Variants in LRRFIP2 observed in about 807,000 individuals in gnomAD.
The protein encoded by LRRFIP2 is leucine-rich repeat flightless-interacting protein 2.
In LRRFIP2, 109 loss-of-function variants were observed where a neutral mutation model predicts 125.9. That is an observed-to-expected ratio of 0.87 (90% CI 0.74 to 1.01). The LOEUF is 1.01. Among genes scored for constraint, LRRFIP2 ranks in the 50% least tolerant of loss-of-function variants. The pLI is 0.00. For missense variants in LRRFIP2, 850 were observed against 862.3 expected (o/e 0.99, Z 0.18); for synonymous variants, 291 against 293.1 (o/e 0.99, Z 0.07).
intron 2 of LRRFIP2, among the ~76,000 whole-genome samples, chr3:37,141,055 A>G (rs2095685031): frequency 6.6e-6 from 1 of 152,146 alleles, no homozygotes; most frequent in Non-Finnish European, 1.5e-5. Flanking sequence ...GTCGTGGTAC[A>G]TGCCTGTAGT....
intron 2 of LRRFIP2, among the ~76,000 whole-genome samples, chr3:37,138,011 T>C (rs1053027308): frequency 5.3e-5 from 8 of 152,222 alleles, no homozygotes; most frequent in African/African-American, 1.4e-4. Context: ...CTTTCACTTA[T>C]AATACATCAA....
chr3:37,105,925 T>C (rs907652739), intron 13 of LRRFIP2, among the ~76,000 whole-genome samples: 2 of 151,878 alleles, frequency 1.3e-5, no homozygotes, highest in Non-Finnish European at 2.9e-5. Flanking sequence ...ATTAGCCGGG[T>C]ATGGTGGCGG....
At position 37,108,644 on chromosome 3, in the gene LRRFIP2, G is replaced by A; in HGVS notation, c.650C>T (p.Pro217Leu). 1 of 1,607,326 alleles carries A rather than the reference G, an allele frequency of 6.2e-7. No individual in the cohort carries two copies. Among genetic ancestry groups the A allele is most frequent in the Non-Finnish European group, 8.5e-7 (1 of 1,174,918 alleles). The change falls in exon 12 of 28, where the codon CCT becomes CTT. Residue 217 changes from proline (P) to leucine (L), a missense_variant. Transcript: ENST00000336686. ...TCCCCTATTTAGACTTACAGTTCGA[G>A]GACCATAAGGGTTATATAATCCACC... is the stretch of plus-strand genomic sequence containing the variant. ...YNGGLYNPYG[P>L]RTPSECSYYS...
chr3:37,128,410 G>A (rs2095342240), intron 3 of LRRFIP2, among the ~76,000 whole-genome samples: 1 of 152,056 alleles, frequency 6.6e-6, no homozygotes. Flanking sequence ...ATTTCCATAT[G>A]CCTATTCTTA....
chr3:37,164,206 G>A (rs1236526226), intron 1 of LRRFIP2, among the ~76,000 whole-genome samples: 1 of 151,916 alleles, frequency 6.6e-6, no homozygotes, highest in Non-Finnish European at 1.5e-5. Context: ...AAACAAGAAA[G>A]GAAACAAGTA....
At chr3:37,054,556 G>T in intron 26 of LRRFIP2, 41 bp from the exon 27 acceptor site, 1 of 1,339,202 alleles carries the variant, frequency 7.5e-7, no homozygotes, top group South Asian at 1.3e-5. Flanking sequence ...CTGGGCACTA[G>T]AAGTCACCAC....
chr3:37,133,210 G>C (rs996191140), intron 2 of LRRFIP2, among the ~76,000 whole-genome samples: 2 of 152,220 alleles, frequency 1.3e-5, no homozygotes, highest in Non-Finnish European at 2.9e-5. Context: ...GGGCAACAGA[G>C]TGAAACTCTG....
At chr3:37,166,169 A>T (rs2096485360) in intron 1 of LRRFIP2, among the ~76,000 whole-genome samples, 1 of 152,072 alleles carries the variant, frequency 6.6e-6, no homozygotes, top group Non-Finnish European at 1.5e-5. Flanking sequence ...GTCTCTACTA[A>T]AAATACAAAA....
chr3:37,150,470 A>T (rs774065322), intron 1 of LRRFIP2, among the ~76,000 whole-genome samples: 1 of 152,028 alleles, frequency 6.6e-6, no homozygotes, highest in Admixed American at 6.6e-5. Context: ...CTCGAAATAT[A>T]AAAAAAAGAA....
At chr3:37,175,503 T>C (rs1426700740), upstream of LRRFIP2, among the ~76,000 whole-genome samples, 1 of 152,226 alleles carries the variant, frequency 6.6e-6, no homozygotes. Flanking sequence ...TGCATGCTGC[T>C]GGTTACTCAC....
At chr3:37,107,111 T>A (rs1274461903) in intron 13 of LRRFIP2, among the ~76,000 whole-genome samples, 1 of 151,908 alleles carries the variant, frequency 6.6e-6, no homozygotes, top group African/African-American at 2.4e-5. Context: ...ACCATGTCGG[T>A]CAGGCTAGTC....
At position 37,166,114 on chromosome 3, in the gene LRRFIP2, G is replaced by A. The variant is rs572903478; in HGVS notation, c.-56+8425C>T. Among the ~76,000 whole-genome samples the A allele has an allele frequency of 1.3e-3, 194 of 152,160 alleles. 1 individual carries two copies. The highest frequency in any genetic ancestry group is 2.4e-3 in the Non-Finnish European group (164 of 67,982). On this transcript the variant is annotated intron_variant, in intron 1 of 27. Transcript: ENST00000336686. Reference sequence around the variant, plus strand: ...GCACTTTGGAAGGCAGGCAGATCACGAGGTCAGGAGTTCAAGGCCAGCCTG... The same window carrying A: ...GCACTTTGGAAGGCAGGCAGATCACAAGGTCAGGAGTTCAAGGCCAGCCTG...
At chr3:37,136,013 T>C (rs1293691590) in intron 2 of LRRFIP2, among the ~76,000 whole-genome samples, 3 of 152,132 alleles carry the variant, frequency 2.0e-5, no homozygotes, top group Non-Finnish European at 4.4e-5. Context: ...TTATTGACAA[T>C]AGCCAAAAAG....
intron 19 of LRRFIP2, among the ~76,000 whole-genome samples, chr3:37,080,490 C>T (rs1229644178): frequency 2.0e-5 from 3 of 151,858 alleles, no homozygotes; most frequent in Non-Finnish European, 4.4e-5. Flanking sequence ...CATTTTGCAG[C>T]CCCTAGTCAA....
intron 19 of LRRFIP2, among the ~76,000 whole-genome samples, chr3:37,079,935 G>T (rs1170174576): frequency 6.6e-6 from 1 of 152,140 alleles, no homozygotes; most frequent in Non-Finnish European, 1.5e-5. Flanking sequence ...GGGAAAGGAA[G>T]ATGATACTAA....
At position 37,129,272 on chromosome 3, in the gene LRRFIP2, A is replaced by C; in HGVS notation, c.91-123T>G. On this transcript the variant is annotated intron_variant, in intron 2 of 27. Coordinates refer to ENST00000336686, the MANE Select transcript of LRRFIP2 (RefSeq NM_006309.4). ...GGGTGGGCAGGAGAAGATATTATCTATCAGCAAGCAAGTTTGATTGATTGT... is the reference window on the plus strand; with the variant it reads ...GGGTGGGCAGGAGAAGATATTATCTCTCAGCAAGCAAGTTTGATTGATTGT... 8 of 717,770 alleles carry C rather than the reference A, an allele frequency of 1.1e-5. No individual in the cohort carries two copies. The South Asian group carries it at 1.3e-4, about 12-fold the overall frequency. The allele number at this position is 717,770 out of a possible 1,614,324, so 44.5% of individuals were successfully genotyped here.
chr3:37,125,948 TTTTTTC>T (rs1433143770), intron 4 of LRRFIP2, among the ~76,000 whole-genome samples: 3 of 152,192 alleles, frequency 2.0e-5, no homozygotes, highest in Non-Finnish European at 4.4e-5. Flanking sequence ...ATTTTTTTCT[TTTTTTC>T]TTTTTCTTTT....
chr3:37,098,812 T>A (rs79815703), intron 15 of LRRFIP2, among the ~76,000 whole-genome samples: 1 of 152,214 alleles, frequency 6.6e-6, no homozygotes, highest in Admixed American at 6.5e-5. Flanking sequence ...GAAAGAAATA[T>A]TATATTTGAA....
At chr3:37,068,926 A>G (rs2090665259) in intron 21 of LRRFIP2, among the ~76,000 whole-genome samples, 1 of 152,184 alleles carries the variant, frequency 6.6e-6, no homozygotes, top group African/African-American at 2.4e-5. Flanking sequence ...AGGCAAGACC[A>G]CTAATGAACT....
Sources: allele counts gnomAD v4.1 joint callset (sites outside exome capture counted in the v4.1 genomes callset), GRCh38; gene constraint gnomAD v4.1.1; transcripts MANE v1.5; gene names NCBI Gene and HGNC (gene_info 2026-07-23, HGNC 2026-07-21).